Variants in ZNF75A observed in about 807,000 individuals in gnomAD.
ZNF75A encodes the protein zinc finger protein 75A.
In ZNF75A, 36 loss-of-function variants were observed where a neutral mutation model predicts 46.3. The observed-to-expected ratio is 0.78, with a 90% CI of 0.60 to 1.03. ZNF75A has a LOEUF of 1.03. Among genes scored for constraint, ZNF75A ranks in the 50% least tolerant of loss-of-function variants. The pLI is 0.00. For missense variants in ZNF75A, 595 were observed against 551.3 expected (o/e 1.08, Z -0.79); for synonymous variants, 234 against 189.9 (o/e 1.23, Z -1.91).
chr16:3,322,972 A>C (rs1477953737), downstream of ZNF75A: 6 of 980,970 alleles, frequency 6.1e-6, no homozygotes, highest in Non-Finnish European at 7.3e-6. Context: ...GCCAATGTAG[A>C]AAATGCTGGA....
At chr16:3,313,999 A>T (rs998653898) in intron 5 of ZNF75A, among the ~76,000 whole-genome samples, 1 of 152,140 alleles carries the variant, frequency 6.6e-6, no homozygotes, top group Admixed American at 6.5e-5. Context: ...CTTCATTTTC[A>T]AATTGAGTAC....
chr16:3,320,079 T>TCTGTTGCC (rs983774964), downstream of ZNF75A, among the ~76,000 whole-genome samples: 4 of 151,972 alleles, frequency 2.6e-5, no homozygotes, highest in Non-Finnish European at 5.9e-5. Context: ...GGAGTCTCGC[T>TCTGTTGCC]CTGTTGCCCA....
At chr16:3,320,376 G>A (rs1175852986), downstream of ZNF75A, among the ~76,000 whole-genome samples, 5 of 152,168 alleles carry the variant, frequency 3.3e-5, no homozygotes, top group Non-Finnish European at 7.3e-5. Flanking sequence ...CTTGGAAAAG[G>A]GCAGCTGGGG....
Position 3,312,722 on chromosome 16 carries a change from C to A in ZNF75A, c.650C>A (p.Thr217Asn), listed in dbSNP as rs1960904578. Reference sequence around the variant, plus strand: ...CTAGCTTTTCCTGAGCAAACAAACACCAAAGACTGGACAGTGACACCTGAG... The same window carrying A: ...CTAGCTTTTCCTGAGCAAACAAACAACAAAGACTGGACAGTGACACCTGAG... ...QILAFPEQTN[T>N]KDWTVTPEHV... The change falls in exon 4 of 7, where the codon ACC (threonine) becomes AAC (asparagine). Residue 217 changes from threonine to asparagine, a missense_variant. Coordinates refer to ENST00000669516, the MANE Select transcript of ZNF75A (RefSeq NM_001302109.2). 1 of 1,027,126 alleles carries A rather than the reference C, an allele frequency of 9.7e-7. No homozygotes were observed. Among genetic ancestry groups the A allele is most frequent in the Non-Finnish European group, 1.2e-6 (1 of 856,058 alleles). 63.6% of individuals were successfully genotyped at this position (1,027,126 alleles called of 1,614,324 possible).
chr16:3,319,266 A>G (rs539068692), downstream of ZNF75A, among the ~76,000 whole-genome samples: 2 of 152,076 alleles, frequency 1.3e-5, no homozygotes, highest in East Asian at 3.9e-4. Context: ...GGCACCCACC[A>G]CCACGCCTGG....
At chr16:3,320,010 A>G (rs1961468117), downstream of ZNF75A, among the ~76,000 whole-genome samples, 3 of 152,014 alleles carry the variant, frequency 2.0e-5, no homozygotes, top group South Asian at 6.2e-4. Flanking sequence ...TCACTGAGAC[A>G]TTGGTGCTAT....
Position 3,311,814 on chromosome 16 carries a change from G to T in ZNF75A, c.470G>T (p.Ser157Ile). ...TTGGGAGAAACAGCAGAGGCCTCAA[G>T]TTTCGGGCTGAAGCCAACAGAGTCC... ...VLLGETAEAS[S>I]FGLKPTESQP... is the part of the protein sequence containing the mutation. Residue 157 changes from serine (S) to isoleucine (I), a missense_variant, in exon 3 of 7, where the codon AGT becomes ATT. Coordinates refer to ENST00000669516, the MANE Select transcript of ZNF75A (RefSeq NM_001302109.2). 1 of 1,049,370 alleles carries T rather than the reference G, an allele frequency of 9.5e-7. No homozygotes were observed. The highest frequency in any genetic ancestry group is 4.0e-5 in the Admixed American group (1 of 25,192). 65.0% of individuals were successfully genotyped at this position (1,049,370 alleles called of 1,614,324 possible). A position where few individuals can be genotyped will look rare whatever the true frequency, so the allele number is the denominator to read the frequency against.
chr16:3,313,219 T>A (rs749150759), intron 5 of ZNF75A, 44 bp downstream of exon 5: 61 of 1,596,128 alleles, frequency 3.8e-5, no homozygotes, highest in Non-Finnish European at 5.1e-5. Flanking sequence ...TACTCTATTC[T>A]TGGCTTACTG....
intron 5 of ZNF75A, among the ~76,000 whole-genome samples, chr16:3,313,646 C>T (rs912961990): frequency 3.9e-5 from 6 of 152,226 alleles, no homozygotes; most frequent in East Asian, 1.9e-4. Context: ...GGCATACATG[C>T]GTAGCTTTTT....
intron 5 of ZNF75A, among the ~76,000 whole-genome samples, chr16:3,313,529 T>C (rs935688528): frequency 6.6e-6 from 1 of 152,204 alleles, no homozygotes; most frequent in Non-Finnish European, 1.5e-5. Context: ...CACTGTTAAT[T>C]CATTAGCAAG....
At chr16:3,306,416 G>T (rs1310899331) in intron 1 of ZNF75A, 3 of 152,178 alleles carry the variant, frequency 2.0e-5, no homozygotes, top group Non-Finnish European at 4.4e-5. Context: ...AGTAAGCACA[G>T]TTAAAAATTC....
downstream of ZNF75A, among the ~76,000 whole-genome samples, chr16:3,319,742 A>G (rs1961453481): frequency 6.6e-6 from 1 of 151,936 alleles, no homozygotes; most frequent in Non-Finnish European, 1.5e-5. Flanking sequence ...AGTTTTGGTC[A>G]ATGAGTTGTG....
At chr16:3,320,473 A>G (rs1230782846), downstream of ZNF75A, among the ~76,000 whole-genome samples, 1 of 152,166 alleles carries the variant, frequency 6.6e-6, no homozygotes, top group African/African-American at 2.4e-5. Flanking sequence ...CTTCCCGTGG[A>G]TACTAAACTG....
downstream of ZNF75A, chr16:3,323,428 AG>A: frequency 1.3e-6 from 1 of 758,326 alleles, no homozygotes; most frequent in Non-Finnish European, 2.4e-6. Context: ...TGTCTGTCAG[AG>A]GGATGGTGTT....
At position 3,317,988 on chromosome 16, in the gene ZNF75A, A is replaced by G; in HGVS notation, c.*119A>G. 6.9e-7 allele frequency: 1 copy of G among 1,438,896 alleles called. No individual in the cohort carries two copies. Among genetic ancestry groups the G allele is most frequent in the Non-Finnish European group, 9.1e-7 (1 of 1,102,846 alleles). The allele number at this position is 1,438,896 out of a possible 1,614,324, so 89.1% of individuals were successfully genotyped here. A position where few individuals can be genotyped will look rare whatever the true frequency, so the allele number is the denominator to read the frequency against. On this transcript the variant is annotated 3_prime_UTR_variant, in exon 7 of 7. Transcript: ENST00000669516. ...AAATTTTACATCAGAAAATGGGATAAACATACATTTCACAGAAAATAATCA... is the reference window on the plus strand; with the variant it reads ...AAATTTTACATCAGAAAATGGGATAGACATACATTTCACAGAAAATAATCA...
At position 3,317,030 on chromosome 16, in the gene ZNF75A, T is replaced by A; in HGVS notation, c.934+8T>A. 1 of 1,608,068 alleles carries A rather than the reference T, an allele frequency of 6.2e-7. No individual in the cohort carries two copies. Among genetic ancestry groups the A allele is most frequent in the Non-Finnish European group, 8.5e-7 (1 of 1,175,570 alleles). On this transcript the variant is annotated splice_region_variant and intron_variant, in intron 6 of 6. Coordinates refer to ENST00000669516, the MANE Select transcript of ZNF75A (RefSeq NM_001302109.2). Reference sequence around the variant, plus strand: ...CCGGAAAATCTCCTACAGGTAAATATACCATGGGAAGTGGAGAAATGTGCC... The same window carrying A: ...CCGGAAAATCTCCTACAGGTAAATAAACCATGGGAAGTGGAGAAATGTGCC...
At chr16:3,319,954 A>G (rs746022100), downstream of ZNF75A, among the ~76,000 whole-genome samples, 2 of 152,304 alleles carry the variant, frequency 1.3e-5, no homozygotes, top group Middle Eastern at 3.4e-3. Context: ...CTCCAGACCT[A>G]TAGTGAACTT....
downstream of ZNF75A, chr16:3,323,299 G>A (rs1261038891): frequency 1.1e-6 from 1 of 948,064 alleles, no homozygotes; most frequent in African/African-American, 1.6e-5. Flanking sequence ...ACTGAGAGGT[G>A]GAAAGGGCAA....
At chr16:3,320,884 T>G (rs1056744671), downstream of ZNF75A, among the ~76,000 whole-genome samples, 1 of 152,158 alleles carries the variant, frequency 6.6e-6, no homozygotes, top group African/African-American at 2.4e-5. Flanking sequence ...CTTCCTGGAC[T>G]AAGGGATGAC....
Sources: allele counts gnomAD v4.1 joint callset (sites outside exome capture counted in the v4.1 genomes callset), GRCh38; gene constraint gnomAD v4.1.1; transcripts MANE v1.5; gene names NCBI Gene and HGNC (gene_info 2026-07-23, HGNC 2026-07-21).